IFT56: variants seen among roughly 807,000 people sequenced by gnomAD.
The protein encoded by IFT56 is intraflagellar transport protein 56.
the IFT56 span, among the ~76,000 whole-genome samples, chr7:139,161,678 CA>C: frequency 6.6e-6 from 1 of 152,118 alleles, no homozygotes; most frequent in Admixed American, 6.5e-5. Context: ...TTTGTAGTAC[CA>C]ATTCTTCCAG....
the IFT56 span, chr7:139,174,315 C>G: frequency 1.8e-6 from 1 of 556,892 alleles, no homozygotes. Flanking sequence ...GGTGCTGGGC[C>G]ACACTGGAGG....
the IFT56 span, among the ~76,000 whole-genome samples, chr7:139,164,737 T>C: frequency 6.6e-6 from 1 of 152,150 alleles, no homozygotes; most frequent in Non-Finnish European, 1.5e-5. Context: ...GAGCTTATAT[T>C]CTGGTGGATG....
the IFT56 span, chr7:139,133,787 T>C: frequency 6.2e-7 from 1 of 1,607,862 alleles, no homozygotes; most frequent in Non-Finnish European, 8.5e-7. Flanking sequence ...CAGAACGTGC[T>C]GTGTGGATGC....
the IFT56 span, among the ~76,000 whole-genome samples, chr7:139,163,124 C>T: frequency 6.6e-6 from 1 of 151,916 alleles, no homozygotes; most frequent in Non-Finnish European, 1.5e-5. Context: ...GTGGGCGGAT[C>T]ACGAGGTCAG....
chr7:139,135,316 C>A, the IFT56 span, among the ~76,000 whole-genome samples: 2 of 145,282 alleles, frequency 1.4e-5, no homozygotes, highest in African/African-American at 5.1e-5. Flanking sequence ...AAACTTATTT[C>A]TTGAGGGCCA....
the IFT56 span, chr7:139,164,980 C>A: frequency 2.1e-6 from 1 of 487,726 alleles, no homozygotes; most frequent in South Asian, 3.9e-5. Context: ...TAAATTCAGC[C>A]AATAGTAAAA....
chr7:139,138,811 CTTTTT>C, the IFT56 span, among the ~76,000 whole-genome samples: 1 of 136,502 alleles, frequency 7.3e-6, no homozygotes, highest in East Asian at 2.1e-4. Context: ...TATGGATTTA[CTTTTT>C]TTTTTTTTTT....
At chr7:139,143,067 G>A in the IFT56 span, among the ~76,000 whole-genome samples, 1 of 151,770 alleles carries the variant, frequency 6.6e-6, no homozygotes, top group African/African-American at 2.4e-5. Context: ...TGCATCATAT[G>A]TGCCATTATT....
the IFT56 span, chr7:139,146,907 TTAACTG>T: frequency 2.6e-6 from 3 of 1,149,218 alleles, no homozygotes; most frequent in East Asian, 9.0e-5. Context: ...TCAAATAGTA[TTAACTG>T]TAACCTAAGG....
chr7:139,145,029 T>G, the IFT56 span, among the ~76,000 whole-genome samples: 2 of 152,180 alleles, frequency 1.3e-5, no homozygotes, highest in Non-Finnish European at 2.9e-5. Flanking sequence ...CTCTGGATGC[T>G]TTTGTCTTCT....
At chr7:139,183,184 A>T in the IFT56 span, among the ~76,000 whole-genome samples, 1 of 151,840 alleles carries the variant, frequency 6.6e-6, no homozygotes, top group Admixed American at 6.6e-5. Flanking sequence ...GGCCCTGAGG[A>T]GATGAGAGGG....
At chr7:139,154,796 G>T in the IFT56 span, among the ~76,000 whole-genome samples, 1 of 152,156 alleles carries the variant, frequency 6.6e-6, no homozygotes, top group Admixed American at 6.5e-5. Flanking sequence ...TGTTTTCCCA[G>T]ATTGTTTTGG....
chr7:139,136,622 C>T, the IFT56 span, among the ~76,000 whole-genome samples: 2 of 151,766 alleles, frequency 1.3e-5, no homozygotes, highest in Non-Finnish European at 2.9e-5. Context: ...GGCTAATTTT[C>T]GTTTGATTGG....
At chr7:139,142,257 T>A in the IFT56 span, 1 of 1,614,106 alleles carries the variant, frequency 6.2e-7, no homozygotes, top group Non-Finnish European at 8.5e-7. Context: ...TTTTTTCAGC[T>A]TCAAAAAGCC....
chr7:139,172,632 G>T, the IFT56 span: 1 of 601,588 alleles, frequency 1.7e-6, no homozygotes, highest in Non-Finnish European at 3.3e-6. Flanking sequence ...AGATCAAAGT[G>T]CTTCAACAAA....
chr7:139,140,531 G>A, the IFT56 span, among the ~76,000 whole-genome samples: 3 of 152,228 alleles, frequency 2.0e-5, no homozygotes, highest in East Asian at 3.9e-4. Flanking sequence ...TGTAATCCCA[G>A]CACTTTGGGA....
the IFT56 span, among the ~76,000 whole-genome samples, chr7:139,137,355 C>G: frequency 6.6e-6 from 1 of 152,170 alleles, no homozygotes; most frequent in African/African-American, 2.4e-5. Context: ...TGAAAGGTTA[C>G]AACCTATTAG....
the IFT56 span, among the ~76,000 whole-genome samples, chr7:139,154,483 T>A: frequency 4.6e-5 from 7 of 152,070 alleles, no homozygotes; most frequent in Non-Finnish European, 7.4e-5. Flanking sequence ...AGCTTTTAGG[T>A]CTTTGATCCA....
chr7:139,143,506 A>G, the IFT56 span, among the ~76,000 whole-genome samples: 1 of 152,022 alleles, frequency 6.6e-6, no homozygotes, highest in Non-Finnish European at 1.5e-5. Context: ...TCTTTTGGGT[A>G]GCATTTGCCT....
Sources: allele counts gnomAD v4.1 joint callset (sites outside exome capture counted in the v4.1 genomes callset), GRCh38; gene constraint gnomAD v4.1.1; transcripts MANE v1.5; gene names NCBI Gene and HGNC (gene_info 2026-07-23, HGNC 2026-07-21).